Variants in GAB1 observed in about 807,000 individuals in gnomAD.
GAB1 encodes the protein GRB2 associated binding protein 1.
A neutral mutation model predicts 66.5 loss-of-function variants in GAB1; 19 were observed. The observed-to-expected ratio is 0.29, with a 90% confidence interval of 0.20 to 0.42. The LOEUF (loss-of-function observed/expected upper bound fraction) is 0.42. GAB1 is among the 10% of genes least tolerant of loss of function. GAB1 has a pLI of 1.00. For synonymous variants in GAB1, 294 were observed against 301.4 expected (o/e 0.98, Z 0.25); for missense variants, 732 against 858.5 (o/e 0.85, Z 1.84).
intron 6 of GAB1, among the ~76,000 whole-genome samples, chr4:143,447,079 A>C (rs1436241029): frequency 4.6e-5 from 7 of 151,928 alleles, no homozygotes; most frequent in African/African-American, 1.7e-4. Context: ...TGTTTTTCTC[A>C]GGTTTGTCAA....
chr4:143,450,986 T>A (rs1274381894), intron 6 of GAB1, among the ~76,000 whole-genome samples: 1 of 152,150 alleles, frequency 6.6e-6, no homozygotes, highest in Non-Finnish European at 1.5e-5. Flanking sequence ...AACACAGATT[T>A]AAGCACCTAT....
At chr4:143,435,381 T>G (rs572011289) in intron 3 of GAB1, among the ~76,000 whole-genome samples, 65 of 152,336 alleles carry the variant, frequency 4.3e-4, no homozygotes, top group Admixed American at 1.0e-3. Context: ...CTGGCAACTT[T>G]GTTACCTATG....
chr4:143,468,699 A>T (rs1439853171), intron 9 of GAB1, among the ~76,000 whole-genome samples: 1 of 151,376 alleles, frequency 6.6e-6, no homozygotes, highest in East Asian at 2.0e-4. Context: ...GCCAAGGCGG[A>T]TGGATCTTGA....
intron 1 of GAB1, among the ~76,000 whole-genome samples, chr4:143,386,375 A>C (rs910253725): frequency 6.6e-5 from 10 of 152,182 alleles, no homozygotes; most frequent in African/African-American, 2.4e-4. Flanking sequence ...GCCTGAAGGC[A>C]ATTTTATATA....
chr4:143,444,347 A>T (rs1391542003), intron 6 of GAB1, among the ~76,000 whole-genome samples: 1 of 152,162 alleles, frequency 6.6e-6, no homozygotes, highest in African/African-American at 2.4e-5. Context: ...CAGTCTGAAC[A>T]TTAGTTACTA....
At chr4:143,381,439 G>A (rs970296795) in intron 1 of GAB1, among the ~76,000 whole-genome samples, 4 of 152,128 alleles carry the variant, frequency 2.6e-5, no homozygotes, top group Non-Finnish European at 4.4e-5. Flanking sequence ...TGGTATCACC[G>A]GCTGTAGTGG....
chr4:143,450,953 A>G (rs1180192821), intron 6 of GAB1, among the ~76,000 whole-genome samples: 1 of 152,170 alleles, frequency 6.6e-6, no homozygotes, highest in Non-Finnish European at 1.5e-5. Context: ...TTTAAGAGAA[A>G]GGCAGTTCAT....
chr4:143,443,014 CTTTTT>C (rs755148605), intron 6 of GAB1, among the ~76,000 whole-genome samples: 1 of 126,780 alleles, frequency 7.9e-6, no homozygotes, highest in African/African-American at 3.1e-5. Context: ...TACTATTTTA[CTTTTT>C]TTTTTTTTTT....
intron 6 of GAB1, among the ~76,000 whole-genome samples, chr4:143,441,369 C>G (rs904428696): frequency 1.3e-5 from 2 of 152,202 alleles, no homozygotes; most frequent in Non-Finnish European, 2.9e-5. Flanking sequence ...TGAAAAGTCT[C>G]ATGTGCTATA....
chr4:143,427,379 A>G lies in GAB1; in HGVS notation c.368-6112A>G, dbSNP rs1578698909. On this transcript the variant is annotated intron_variant, in intron 2 of 9. Transcript: ENST00000262994. The stretch of plus-strand genomic sequence containing the variant: ...CATCATTTGAGGCTCCGGTTGCATG[A>G]CTGTTTGGAGTTTGATGGCCTGAAG... Among the ~76,000 whole-genome samples, 5 of 152,220 alleles carry G rather than the reference A, an allele frequency of 3.3e-5. No homozygotes were observed. In the East Asian group the frequency reaches 9.7e-4, roughly 29 times the overall value.
intron 1 of GAB1, among the ~76,000 whole-genome samples, chr4:143,392,788 A>G (rs1358157364): frequency 6.6e-6 from 1 of 152,188 alleles, no homozygotes; most frequent in African/African-American, 2.4e-5. Context: ...CTGTTACTAT[A>G]CATCAGTTTC....
rs1728692707 is a variant in GAB1 at position 143,337,326 on chromosome 4, C to G, written c.72+66C>G. ...CCACACCCCTCCCCAGTCGGCTCGC[C>G]GGCGGCTGCAGCTGGCCGCGCGCGG... is the stretch of plus-strand genomic sequence containing the variant. On this transcript the variant is annotated intron_variant, in intron 1 of 9. Transcript: ENST00000262994. 85 of 1,413,304 alleles carry G rather than the reference C, an allele frequency of 6.0e-5. 3 individuals are homozygous for G. In the South Asian group the frequency reaches 1.0e-3, roughly 17 times the overall value. 87.5% of individuals were successfully genotyped at this position (1,413,304 alleles called of 1,614,324 possible).
chr4:143,422,290 T>C (rs1461997256), intron 2 of GAB1, among the ~76,000 whole-genome samples: 1 of 152,204 alleles, frequency 6.6e-6, no homozygotes, highest in Non-Finnish European at 1.5e-5. Context: ...CTGACCTGTT[T>C]ACATTTAATT....
intron 2 of GAB1, among the ~76,000 whole-genome samples, chr4:143,432,853 G>A (rs1733730615): frequency 6.6e-6 from 1 of 152,112 alleles, no homozygotes; most frequent in Non-Finnish European, 1.5e-5. Context: ...TTACTTGCTG[G>A]ACCTCTTTCC....
intron 1 of GAB1, among the ~76,000 whole-genome samples, chr4:143,364,643 C>T (rs550629033): frequency 1.3e-5 from 2 of 152,210 alleles, no homozygotes; most frequent in South Asian, 2.1e-4. Flanking sequence ...GCAGCCTCAT[C>T]CTATGCGTGC....
intron 2 of GAB1, among the ~76,000 whole-genome samples, chr4:143,426,666 C>G (rs1480719498): frequency 6.6e-6 from 1 of 152,188 alleles, no homozygotes; most frequent in African/African-American, 2.4e-5. Flanking sequence ...CTGATCCTTT[C>G]TTGTTTGTTA....
intron 6 of GAB1, among the ~76,000 whole-genome samples, chr4:143,442,246 G>T (rs1342762430): frequency 6.6e-6 from 1 of 152,144 alleles, no homozygotes; most frequent in Non-Finnish European, 1.5e-5. Flanking sequence ...TTATTTTCCA[G>T]TAACGAGTGC....
intron 1 of GAB1, among the ~76,000 whole-genome samples, chr4:143,389,169 T>C (rs971508394): frequency 2.6e-5 from 4 of 152,254 alleles, no homozygotes; most frequent in African/African-American, 9.6e-5. Context: ...CTTTTATTTT[T>C]ATAGGAATGA....
chr4:143,429,874 G>C (rs1733557979), intron 2 of GAB1, among the ~76,000 whole-genome samples: 1 of 152,202 alleles, frequency 6.6e-6, no homozygotes, highest in Non-Finnish European at 1.5e-5. Flanking sequence ...GAGGCAGAGA[G>C]ACAACTATGC....
Sources: allele counts gnomAD v4.1 joint callset (sites outside exome capture counted in the v4.1 genomes callset), GRCh38; gene constraint gnomAD v4.1.1; transcripts MANE v1.5; gene names NCBI Gene and HGNC (gene_info 2026-07-23, HGNC 2026-07-21).